SYT1: variants seen among roughly 807,000 people sequenced by gnomAD.
SYT1 encodes the protein synaptotagmin 1, also known as synaptotagmin-1.
In SYT1, 8 loss-of-function variants were observed where a neutral mutation model predicts 44.8. The ratio of observed to expected loss-of-function variants is 0.18; its 90% CI spans 0.10 to 0.32. The LOEUF (loss-of-function observed/expected upper bound fraction) is 0.32. Ranked by LOEUF, SYT1 falls within the 10% of genes least tolerant of loss-of-function variation. The probability of loss-of-function intolerance (pLI) is 1.00; values close to 1 mark genes in which losing one functional copy is unlikely to be tolerated. For missense variants in SYT1, 286 were observed against 509.3 expected (o/e 0.56, Z 4.22); for synonymous variants, 154 against 188.8 (o/e 0.82, Z 1.51).
intron 1 of SYT1, among the ~76,000 whole-genome samples, chr12:78,894,466 A>C (rs577999870): frequency 1.9e-4 from 29 of 150,552 alleles, no homozygotes; most frequent in African/African-American, 3.9e-4. Flanking sequence ...AACATACACA[A>C]AAAAAAGTCA....
chr12:79,038,164 AATAT>A (rs150657645), intron 2 of SYT1, among the ~76,000 whole-genome samples: 1 of 148,892 alleles, frequency 6.7e-6, no homozygotes, highest in African/African-American at 2.5e-5. Flanking sequence ...TGAATATATG[AATAT>A]ATATATATAT....
intron 8 of SYT1, among the ~76,000 whole-genome samples, chr12:79,351,227 C>T (rs140671758): frequency 6.6e-6 from 1 of 152,114 alleles, no homozygotes; most frequent in Non-Finnish European, 1.5e-5. Flanking sequence ...TCCGAGCATG[C>T]TTTTTCAAAC....
intron 9 of SYT1, among the ~76,000 whole-genome samples, chr12:79,381,505 G>C (rs963813818): frequency 1.3e-5 from 2 of 152,214 alleles, no homozygotes; most frequent in Non-Finnish European, 2.9e-5. Flanking sequence ...AGAGCAGGGG[G>C]TTTGAAGGAT....
intron 1 of SYT1, among the ~76,000 whole-genome samples, chr12:78,876,904 T>TTATATATAATACGTATAATATATTATA (rs1565697992): frequency 2.5e-4 from 28 of 112,948 alleles, no homozygotes; most frequent in African/African-American, 8.6e-4. Context: ...ATATTATATA[T>TTATATATAATACGTATAATATATTATA]TATATGTATT....
At chr12:79,153,303 G>C (rs17005304) in intron 3 of SYT1, among the ~76,000 whole-genome samples, 13,206 of 152,080 alleles carry the variant, frequency 0.087, 681 homozygotes, top group African/African-American at 0.14. Context: ...AATTCACCTG[G>C]TTTCAAATTT....
rs1033444176 is a variant in SYT1 at position 78,961,617 on chromosome 12, A to G, written c.-216-16182A>G. ...TTCCCTGGGTCGCAAGCAGTATGGC[A>G]TATAAACATGAGAAGGTAGTTATAG... is the stretch of plus-strand genomic sequence containing the variant. On this transcript the variant is annotated intron_variant, in intron 1 of 10. Transcript: ENST00000261205. Among the ~76,000 whole-genome samples, 4 of 152,202 alleles carry G rather than the reference A, an allele frequency of 2.6e-5. No homozygotes were observed. In the South Asian group the frequency reaches 6.2e-4, roughly 24 times the overall value.
chr12:78,951,216 C>A (rs1454996107), intron 1 of SYT1, among the ~76,000 whole-genome samples: 1 of 152,022 alleles, frequency 6.6e-6, no homozygotes, highest in Non-Finnish European at 1.5e-5. Context: ...ATTTTCTTTT[C>A]TTTTGAGTAA....
chr12:79,381,603 C>T (rs1188792004), intron 9 of SYT1, among the ~76,000 whole-genome samples: 1 of 152,186 alleles, frequency 6.6e-6, no homozygotes, highest in Non-Finnish European at 1.5e-5. Context: ...ATGAGCTTAT[C>T]ACTCAGGTCT....
intron 2 of SYT1, among the ~76,000 whole-genome samples, chr12:79,012,259 A>T (rs1295485876): frequency 1.3e-5 from 2 of 152,162 alleles, no homozygotes; most frequent in Non-Finnish European, 1.5e-5. Context: ...GAATCAGCAC[A>T]GTCAGTGCTG....
At chr12:78,959,764 A>G (rs181539209) in intron 1 of SYT1, among the ~76,000 whole-genome samples, 261 of 152,274 alleles carry the variant, frequency 1.7e-3, no homozygotes, top group African/African-American at 5.7e-3. Flanking sequence ...AATGCCAGCT[A>G]TGTAAGCCAG....
intron 4 of SYT1, among the ~76,000 whole-genome samples, chr12:79,267,782 C>T (rs1307116391): frequency 1.3e-5 from 2 of 152,170 alleles, no homozygotes; most frequent in Admixed American, 1.3e-4. Flanking sequence ...ACAGCAAGCT[C>T]CTGGGCTGAC....
chr12:79,027,220 C>T (rs1184421683), intron 2 of SYT1, among the ~76,000 whole-genome samples: 1 of 151,550 alleles, frequency 6.6e-6, no homozygotes, highest in Non-Finnish European at 1.5e-5. Context: ...CTGGTTTCTG[C>T]TGAAATATCT....
rs114833612 is a variant in SYT1 at position 78,892,607 on chromosome 12, A to G, written c.-217+27498A>G. On this transcript the variant is annotated intron_variant, in intron 1 of 10. Transcript: ENST00000261205. ...TAAATAGAAGACTTCAATCTTCCATAGAAAATAACATTCATTTTATTTTAC... is the reference window on the plus strand; with the variant it reads ...TAAATAGAAGACTTCAATCTTCCATGGAAAATAACATTCATTTTATTTTAC... Among the ~76,000 whole-genome samples, 848 of 151,872 alleles carry G rather than the reference A, an allele frequency of 5.6e-3. 13 individuals carry two copies. The highest frequency in any genetic ancestry group is 0.019 in the African/African-American group (778 of 41,534).
chr12:78,867,386 T>A (rs1873599625), intron 1 of SYT1, among the ~76,000 whole-genome samples: 1 of 152,116 alleles, frequency 6.6e-6, no homozygotes, highest in East Asian at 1.9e-4. Context: ...GTTTTTCAAA[T>A]ACTTCTAAAA....
At chr12:79,348,234 A>G (rs964963620) in intron 8 of SYT1, among the ~76,000 whole-genome samples, 1 of 152,206 alleles carries the variant, frequency 6.6e-6, no homozygotes, top group East Asian at 1.9e-4. Context: ...GAAGGAAACT[A>G]GAAAGGAGCA....
intron 2 of SYT1, among the ~76,000 whole-genome samples, chr12:79,045,095 A>G (rs1029019397): frequency 5.3e-5 from 8 of 152,098 alleles, no homozygotes; most frequent in Admixed American, 5.2e-4. Context: ...CCCTGCCCCC[A>G]GAGGTGGAGC....
At chr12:79,263,164 A>C (rs1208959208) in intron 4 of SYT1, among the ~76,000 whole-genome samples, 1 of 152,086 alleles carries the variant, frequency 6.6e-6, no homozygotes, top group East Asian at 1.9e-4. Flanking sequence ...CACCACTTAC[A>C]AGTCAGTGAG....
At chr12:78,934,062 A>G (rs61929221) in intron 1 of SYT1, among the ~76,000 whole-genome samples, 13,774 of 152,050 alleles carry the variant, frequency 0.091, 711 homozygotes, top group East Asian at 0.18. Flanking sequence ...CCTGAACCAC[A>G]GATAGTAGTA....
At chr12:79,388,344 A>G (rs546628879) in intron 9 of SYT1, among the ~76,000 whole-genome samples, 1 of 152,046 alleles carries the variant, frequency 6.6e-6, no homozygotes, top group African/African-American at 2.4e-5. Flanking sequence ...TGCTTCTTTA[A>G]GGGGGAAAAG....
Sources: allele counts gnomAD v4.1 joint callset (sites outside exome capture counted in the v4.1 genomes callset), GRCh38; gene constraint gnomAD v4.1.1; transcripts MANE v1.5; gene names NCBI Gene and HGNC (gene_info 2026-07-23, HGNC 2026-07-21).